Variants in ZDHHC20 observed in about 807,000 individuals in gnomAD.
ZDHHC20 encodes the protein zDHHC palmitoyltransferase 20.
A neutral mutation model predicts 57.8 loss-of-function variants in ZDHHC20; 43 were observed. That is an observed-to-expected ratio of 0.74 (90% CI 0.58 to 0.96). The LOEUF is 0.96. Ranked by LOEUF, ZDHHC20 falls within the 40% of genes least tolerant of loss-of-function variation. The pLI, the probability that ZDHHC20 is intolerant of heterozygous loss-of-function variation, is 0.00. For synonymous variants in ZDHHC20, 157 were observed against 153.0 expected, an observed-to-expected ratio of 1.03 and a Z score of -0.19; for missense variants, 391 against 441.1, an observed-to-expected ratio of 0.89 and a Z score of 1.02.
At chr13:21,380,384 G>A (rs1873119240) in intron 11 of ZDHHC20, among the ~76,000 whole-genome samples, 2 of 152,022 alleles carry the variant, frequency 1.3e-5, no homozygotes, top group African/African-American at 4.8e-5. Flanking sequence ...AAAGTGCTGG[G>A]ATTATAGGCG....
chr13:21,407,504 T>C (rs1430881818), intron 4 of ZDHHC20, among the ~76,000 whole-genome samples: 1 of 152,250 alleles, frequency 6.6e-6, no homozygotes, highest in Non-Finnish European at 1.5e-5. Flanking sequence ...TATAAGTTCC[T>C]TGTAGATTCT....
intron 4 of ZDHHC20, among the ~76,000 whole-genome samples, chr13:21,410,487 C>T (rs576557017): frequency 1.1e-4 from 17 of 152,272 alleles, no homozygotes; most frequent in African/African-American, 3.6e-4. Flanking sequence ...GTGCTGTGTC[C>T]CAGGGAGATG....
At position 21,372,799 on chromosome 13, in the gene ZDHHC20, A is replaced by G. The variant is rs1170558278; in HGVS notation, c.*3897T>C. The stretch of plus-strand genomic sequence containing the variant: ...ACTAAACTGTACTTCAAATTTGTTT[A>G]TATAAAAGCATATTAAAGCTCACTT... On this transcript the variant is annotated 3_prime_UTR_variant, in exon 13 of 13. Coordinates refer to ENST00000400590, the MANE Select transcript of ZDHHC20 (RefSeq NM_001330059.2). The G allele has an allele frequency of 6.6e-6, 1 of 152,220 alleles. No individual in the cohort carries two copies. Among genetic ancestry groups the G allele is most frequent in the Admixed American group, 6.5e-5 (1 of 15,284 alleles). 9.4% of individuals were successfully genotyped at this position (152,220 alleles called of 1,614,324 possible).
At chr13:21,385,360 C>T (rs1874273253) in intron 9 of ZDHHC20, among the ~76,000 whole-genome samples, 1 of 152,142 alleles carries the variant, frequency 6.6e-6, no homozygotes, top group African/African-American at 2.4e-5. Context: ...ACCCAGGAGG[C>T]ACAGGTTGCA....
At chr13:21,432,224 G>A (rs117924431) in intron 1 of ZDHHC20, among the ~76,000 whole-genome samples, 21,998 of 152,036 alleles carry the variant, frequency 0.14, 2,155 homozygotes, top group Non-Finnish European at 0.23. Flanking sequence ...GGAGTGCAGT[G>A]GTGCGATTTC....
intron 1 of ZDHHC20, among the ~76,000 whole-genome samples, chr13:21,427,334 G>A (rs1359566570): frequency 6.6e-6 from 1 of 152,116 alleles, no homozygotes; most frequent in East Asian, 1.9e-4. Flanking sequence ...AGGTCACAGA[G>A]CTAGTATATG....
chr13:21,421,035 T>C (rs770845837), intron 3 of ZDHHC20, 26 bp downstream of exon 3: 4 of 1,573,380 alleles, frequency 2.5e-6, no homozygotes, highest in Non-Finnish European at 3.5e-6. Context: ...TTAAAACATT[T>C]GGTAATTTAC....
At chr13:21,434,682 A>G (rs911702648) in intron 1 of ZDHHC20, among the ~76,000 whole-genome samples, 1 of 152,208 alleles carries the variant, frequency 6.6e-6, no homozygotes, top group Non-Finnish European at 1.5e-5. Context: ...CCCTAAATCC[A>G]TATGATGATG....
At chr13:21,387,401 G>T in intron 9 of ZDHHC20, 107 bp downstream of exon 9, 2 of 852,634 alleles carry the variant, frequency 2.3e-6, no homozygotes, top group Non-Finnish European at 3.2e-6. Flanking sequence ...CTCAAAGTCT[G>T]TGAGAATATC....
At chr13:21,430,906 T>C (rs1446972568) in intron 1 of ZDHHC20, among the ~76,000 whole-genome samples, 1 of 152,196 alleles carries the variant, frequency 6.6e-6, no homozygotes, top group African/African-American at 2.4e-5. Flanking sequence ...ATTTTAGCTG[T>C]ACTTACTAAG....
chr13:21,433,783 T>C (rs1178352326), intron 1 of ZDHHC20, among the ~76,000 whole-genome samples: 2 of 152,224 alleles, frequency 1.3e-5, no homozygotes, highest in African/African-American at 4.8e-5. Flanking sequence ...TTACAGCCCA[T>C]GACCATGGCG....
intron 6 of ZDHHC20, among the ~76,000 whole-genome samples, chr13:21,401,275 C>CA (rs1333826346): frequency 6.6e-6 from 1 of 151,946 alleles, no homozygotes; most frequent in Admixed American, 6.6e-5. Context: ...GACCCTGTTT[C>CA]AAAAATAAAA....
rs1871449744 is a variant in ZDHHC20, at chr13:21,372,992, T to C, written c.*3704A>G. On this transcript the variant is annotated 3_prime_UTR_variant, in exon 13 of 13. Coordinates refer to ENST00000400590, the MANE Select transcript of ZDHHC20 (RefSeq NM_001330059.2). ...AAGTCATTAGAAAAATATGAACCTT[T>C]CTGAATCTATATTACATTTTTAATT... The C allele has an allele frequency of 6.6e-6, 1 of 152,156 alleles. No homozygotes were observed. Among genetic ancestry groups the C allele is most frequent in the Non-Finnish European group, 1.5e-5 (1 of 67,988 alleles). 9.4% of individuals were successfully genotyped at this position (152,156 alleles called of 1,614,324 possible). A position where few individuals can be genotyped will look rare whatever the true frequency, so the allele number is the denominator to read the frequency against.
intron 1 of ZDHHC20, among the ~76,000 whole-genome samples, chr13:21,457,254 A>C (rs1885000537): frequency 6.6e-6 from 1 of 152,212 alleles, no homozygotes; most frequent in African/African-American, 2.4e-5. Flanking sequence ...ATCTCAACAT[A>C]AATGCACATT....
At chr13:21,439,139 A>G (rs1177617091) in intron 1 of ZDHHC20, among the ~76,000 whole-genome samples, 1 of 152,198 alleles carries the variant, frequency 6.6e-6, no homozygotes, top group Non-Finnish European at 1.5e-5. Context: ...CCACCAAGGT[A>G]TGCCTGCAAT....
intron 5 of ZDHHC20, among the ~76,000 whole-genome samples, chr13:21,402,108 A>G (rs1373702002): frequency 2.0e-5 from 3 of 152,170 alleles, no homozygotes; most frequent in African/African-American, 7.2e-5. Flanking sequence ...AGTACTTGGT[A>G]CATTAGATCC....
intron 1 of ZDHHC20, among the ~76,000 whole-genome samples, chr13:21,439,990 C>T (rs1395005510): frequency 2.7e-5 from 4 of 147,222 alleles, no homozygotes; most frequent in Admixed American, 2.1e-4. Context: ...TTGCTCAAAC[C>T]CAGGAGGCAG....
intron 7 of ZDHHC20, among the ~76,000 whole-genome samples, chr13:21,397,290 C>T (rs1421947598): frequency 2.0e-5 from 3 of 151,424 alleles, no homozygotes; most frequent in Non-Finnish European, 4.4e-5. Flanking sequence ...TGTGCCATCA[C>T]ACTCTAGCCT....
chr13:21,394,622 CA>C (rs1411088713), intron 7 of ZDHHC20, among the ~76,000 whole-genome samples: 1 of 151,996 alleles, frequency 6.6e-6, no homozygotes, highest in East Asian at 1.9e-4. Context: ...AGAATTAATC[CA>C]AAAAAGTTAT....
Sources: allele counts gnomAD v4.1 joint callset (sites outside exome capture counted in the v4.1 genomes callset), GRCh38; gene constraint gnomAD v4.1.1; transcripts MANE v1.5; gene names NCBI Gene and HGNC (gene_info 2026-07-23, HGNC 2026-07-21).